Variants in CREB5 observed in about 807,000 individuals in gnomAD.
CREB5 encodes the protein cAMP responsive element binding protein 5.
CREB5 carries 19 observed loss-of-function variants against 57.1 expected under a neutral mutation model. The ratio of observed to expected loss-of-function variants is 0.33; its 90% CI spans 0.23 to 0.49. The LOEUF (loss-of-function observed/expected upper bound fraction) is 0.49. CREB5 is among the 20% of genes least tolerant of loss of function. CREB5 has a pLI of 0.99. For missense variants in CREB5, 579 were observed against 671.6 expected, an observed-to-expected ratio of 0.86 and a Z score of 1.52; for synonymous variants, 238 against 238.3, an observed-to-expected ratio of 1.00 and a Z score of 0.01.
chr7:28,494,237 A>T (rs900629524), intron 2 of CREB5, among the ~76,000 whole-genome samples: 2 of 152,230 alleles, frequency 1.3e-5, no homozygotes, highest in Non-Finnish European at 2.9e-5. Context: ...TCTCATATGT[A>T]TAAGAAGAAA....
intron 1 of CREB5, among the ~76,000 whole-genome samples, chr7:28,465,096 A>G: frequency 6.6e-6 from 1 of 152,208 alleles, no homozygotes; most frequent in East Asian, 1.9e-4. Flanking sequence ...AGAACATCAG[A>G]AGTCCAGAGG....
At chr7:28,451,346 T>G (rs1789792176) in intron 1 of CREB5, among the ~76,000 whole-genome samples, 1 of 152,196 alleles carries the variant, frequency 6.6e-6, no homozygotes, top group Non-Finnish European at 1.5e-5. Flanking sequence ...CAAGTCTTTC[T>G]GTGGTTTGGG....
chr7:28,577,821 G>A (rs1263645111), intron 5 of CREB5, among the ~76,000 whole-genome samples: 1 of 152,140 alleles, frequency 6.6e-6, no homozygotes, highest in Non-Finnish European at 1.5e-5. Flanking sequence ...ACTTGGTAAG[G>A]TAACTTCTCT....
At chr7:28,310,882 C>T (rs570959539) in intron 1 of CREB5, among the ~76,000 whole-genome samples, 1 of 152,274 alleles carries the variant, frequency 6.6e-6, no homozygotes, top group South Asian at 2.1e-4. Context: ...CAGATCATAA[C>T]CAAATTTTCC....
chr7:28,713,300 C>T (rs921914208), intron 5 of CREB5, among the ~76,000 whole-genome samples: 6 of 152,268 alleles, frequency 3.9e-5, no homozygotes, highest in Admixed American at 1.3e-4. Flanking sequence ...GGATTACAGG[C>T]GTGAGCCACC....
intron 1 of CREB5, among the ~76,000 whole-genome samples, chr7:28,414,745 C>T (rs111708579): frequency 5.3e-5 from 8 of 151,962 alleles, no homozygotes; most frequent in African/African-American, 1.9e-4. Context: ...CATTAGTATT[C>T]CATTGTTGAG....
At chr7:28,415,339 C>G (rs1787984170) in intron 1 of CREB5, among the ~76,000 whole-genome samples, 1 of 152,168 alleles carries the variant, frequency 6.6e-6, no homozygotes, top group South Asian at 2.1e-4. Flanking sequence ...CTAGAGAGAG[C>G]CAAACCAGGC....
At chr7:28,794,125 A>G (rs1240294474) in intron 7 of CREB5, among the ~76,000 whole-genome samples, 1 of 152,210 alleles carries the variant, frequency 6.6e-6, no homozygotes, top group East Asian at 1.9e-4. Flanking sequence ...TTTTTCTAAC[A>G]TATGTTACTG....
chr7:28,642,716 G>GTAT (rs1456092983), intron 5 of CREB5, among the ~76,000 whole-genome samples: 1 of 152,160 alleles, frequency 6.6e-6, no homozygotes, highest in Non-Finnish European at 1.5e-5. Flanking sequence ...GATTGCTCAT[G>GTAT]TATTAGTCTC....
chr7:28,368,916 C>G (rs1786643582), intron 1 of CREB5, among the ~76,000 whole-genome samples: 1 of 152,116 alleles, frequency 6.6e-6, no homozygotes, highest in Non-Finnish European at 1.5e-5. Flanking sequence ...CATGGTAGTG[C>G]ACACCTGTAG....
rs182301572 is a variant in CREB5, at chr7:28,793,269, G to A, written c.703-10930G>A. Among the ~76,000 whole-genome samples, 6 of 152,196 alleles carry A rather than the reference G, an allele frequency of 3.9e-5. No homozygotes were observed. In the East Asian group the frequency reaches 9.7e-4, roughly 25 times the overall value. The stretch of plus-strand genomic sequence containing the variant: ...TTTCCCAAGGAGAAAAAGCAGGACT[G>A]GACACCCACAGAGCACATTAGACAG... On this transcript the variant is annotated intron_variant, in intron 7 of 10. Coordinates refer to ENST00000357727, the MANE Select transcript of CREB5 (RefSeq NM_182898.4).
intron 1 of CREB5, among the ~76,000 whole-genome samples, chr7:28,477,159 G>A (rs1480365890): frequency 6.6e-6 from 1 of 152,226 alleles, no homozygotes; most frequent in Non-Finnish European, 1.5e-5. Context: ...CAAGTTCACT[G>A]TGATGGGTAA....
intron 7 of CREB5, among the ~76,000 whole-genome samples, chr7:28,752,007 A>G (rs945033752): frequency 9.2e-5 from 14 of 152,108 alleles, no homozygotes; most frequent in South Asian, 2.1e-4. Flanking sequence ...AGTTATGCAT[A>G]TTTTGGAATA....
chr7:28,367,022 C>G (rs555713330), intron 1 of CREB5, among the ~76,000 whole-genome samples: 102 of 123,094 alleles, frequency 8.3e-4, no homozygotes, highest in Non-Finnish European at 1.8e-3. Context: ...CTCCTTAAAA[C>G]TATCTGTGCA....
chr7:28,442,467 C>G (rs1184934205), intron 1 of CREB5, among the ~76,000 whole-genome samples: 1 of 151,812 alleles, frequency 6.6e-6, no homozygotes. Flanking sequence ...TCAAAATCCT[C>G]CAGCAGTGGA....
intron 5 of CREB5, among the ~76,000 whole-genome samples, chr7:28,590,920 A>G (rs1024461516): frequency 6.6e-6 from 1 of 152,112 alleles, no homozygotes; most frequent in Non-Finnish European, 1.5e-5. Flanking sequence ...TACCTGCTCA[A>G]TGTGTGGTTA....
intron 5 of CREB5, among the ~76,000 whole-genome samples, chr7:28,708,273 C>G (rs1428888891): frequency 6.6e-6 from 1 of 152,160 alleles, no homozygotes; most frequent in Non-Finnish European, 1.5e-5. Flanking sequence ...TTTAGCAGCC[C>G]AAGGTTGCAT....
intron 4 of CREB5, among the ~76,000 whole-genome samples, chr7:28,534,025 A>C (rs546829866): frequency 6.6e-6 from 1 of 152,202 alleles, no homozygotes; most frequent in Non-Finnish European, 1.5e-5. Flanking sequence ...TGGAAAAGCA[A>C]ATCTGTATCT....
chr7:28,771,439 T>A (rs1806316192), intron 7 of CREB5, among the ~76,000 whole-genome samples: 1 of 152,166 alleles, frequency 6.6e-6, no homozygotes, highest in Non-Finnish European at 1.5e-5. Context: ...GGACACGGGA[T>A]TCACGAGAAG....
Sources: allele counts gnomAD v4.1 joint callset (sites outside exome capture counted in the v4.1 genomes callset), GRCh38; gene constraint gnomAD v4.1.1; transcripts MANE v1.5; gene names NCBI Gene and HGNC (gene_info 2026-07-23, HGNC 2026-07-21).